ZFP69: variants seen among roughly 807,000 people sequenced by gnomAD.
The protein encoded by ZFP69 is ZFP69 zinc finger protein, also known as zinc finger protein 69 homolog.
Under a neutral mutation model 48.9 loss-of-function variants are expected in ZFP69, and 35 were observed. The observed-to-expected ratio is 0.72, with a 90% confidence interval of 0.55 to 0.95. The LOEUF is 0.95. Ranked by LOEUF, ZFP69 falls within the 40% of genes least tolerant of loss-of-function variation. The probability of loss-of-function intolerance (pLI) is 0.00; values close to 1 mark genes in which losing one functional copy is unlikely to be tolerated. For synonymous variants in ZFP69, 193 were observed against 216.8 expected (o/e 0.89, Z 0.96); for missense variants, 557 against 638.4 (o/e 0.87, Z 1.37).
chr1:40,495,604 A>G lies in ZFP69; in HGVS notation c.1126A>G (p.Thr376Ala). The G allele has an allele frequency of 6.2e-7, 1 of 1,614,256 alleles. No homozygotes were observed. The highest frequency in any genetic ancestry group is 8.5e-7 in the Non-Finnish European group (1 of 1,180,038). ...CATTAGCTTGGTTCAACATTTGAGG[A>G]CTCATTCTGGAGAGAAACCTTTTAC... is the stretch of plus-strand genomic sequence containing the variant. ...QNISLVQHLR[T>A]HSGEKPFTCN... The change falls in exon 6 of 6, where the codon ACT becomes GCT. Residue 376 changes from threonine (T) to alanine (A), a missense_variant. Thr to Ala is a moderately conservative substitution (Grantham distance 58). Transcript: ENST00000372706.
intron 3 of ZFP69, among the ~76,000 whole-genome samples, chr1:40,483,306 T>C (rs1033967251): frequency 6.7e-6 from 1 of 148,216 alleles, no homozygotes; most frequent in Admixed American, 7.0e-5. Flanking sequence ...CATAACTCAT[T>C]GCAACCTCAA....
rs1553129548 is a variant in ZFP69 at position 40,491,763 on chromosome 1, A to ATATGTGTG, written c.442+2140_442+2141insATGTGTGT. Among the ~76,000 whole-genome samples, 388 of 129,438 alleles carry ATATGTGTG rather than the reference A, an allele frequency of 3.0e-3. 1 individual carries two copies. Among genetic ancestry groups the ATATGTGTG allele is most frequent in the African/African-American group, 3.5e-3 (124 of 35,192 alleles). 84.9% of individuals were successfully genotyped at this position (129,438 alleles called of 152,430 possible). On this transcript the variant is annotated intron_variant, in intron 5 of 5. Transcript: ENST00000372706. The stretch of plus-strand genomic sequence containing the variant: ...TTGGTAGAAAAAAATGTGTGTGTGT[A>ATATGTGTG]TGTGTGTGTGTGTGTGTGTGTGTAT...
chr1:40,494,543 C>T (rs1645605315), intron 5 of ZFP69, among the ~76,000 whole-genome samples: 2 of 147,086 alleles, frequency 1.4e-5, no homozygotes, highest in Admixed American at 6.8e-5. Flanking sequence ...GCTGGGATTA[C>T]AGGCGTGAGC....
chr1:40,492,379 C>A (rs1645577982), intron 5 of ZFP69, among the ~76,000 whole-genome samples: 1 of 152,084 alleles, frequency 6.6e-6, no homozygotes, highest in Non-Finnish European at 1.5e-5. Context: ...GCTCTGTCAC[C>A]TGTCAAGTTT....
chr1:40,495,528 TG>T lies in ZFP69; in HGVS notation c.1054del (p.Glu352ArgfsTer23). 1 of 1,614,160 alleles carries T rather than the reference TG, an allele frequency of 6.2e-7. No individual in the cohort carries two copies. Reference protein sequence around the residue: ...SLNQHHRTHTGEKPYVCDKCQ... With the variant: ...SLNQHHRTHTXEKPYVCDKCQ... ...TTAATCAGCATCATAGAACTCACAC[TG>T]GGGAGAAACCCTATGTATGTGATAA... On this transcript the variant is annotated frameshift_variant, in exon 6 of 6. Transcript: ENST00000372706. LOFTEE classifies it high-confidence loss of function.
intron 3 of ZFP69, among the ~76,000 whole-genome samples, chr1:40,488,160 T>G (rs1184256092): frequency 8.1e-6 from 1 of 123,064 alleles, no homozygotes; most frequent in Admixed American, 9.1e-5. Context: ...ATGTGTGTGT[T>G]TTGTATGTAT....
At chr1:40,484,451 A>G (rs1285358666) in intron 3 of ZFP69, among the ~76,000 whole-genome samples, 2 of 152,178 alleles carry the variant, frequency 1.3e-5, no homozygotes, top group East Asian at 3.9e-4. Context: ...TGCCCACCTC[A>G]GCCTCCGAAA....
chr1:40,495,696 C>G lies in ZFP69; in HGVS notation c.1218C>G (p.Thr406=). 1 of 1,614,094 alleles carries G rather than the reference C, an allele frequency of 6.2e-7. No individual in the cohort carries two copies. Among genetic ancestry groups the G allele is most frequent in the Non-Finnish European group, 8.5e-7 (1 of 1,180,012 alleles). Residue 406 remains threonine, a synonymous_variant, in exon 6 of 6, where the codon ACC becomes ACG. Transcript: ENST00000372706. Reference sequence around the variant, plus strand: ...TTAGTGAACATATAAGAATTCATACCGGGGAGAAGCCCTATGCATGCACTG... The same window carrying G: ...TTAGTGAACATATAAGAATTCATACGGGGGAGAAGCCCTATGCATGCACTG... ...RHLSEHIRIH[T]GEKPYACTAC...
At position 40,479,257 on chromosome 1, in the gene ZFP69, C is replaced by T. The variant is rs1336765459; in HGVS notation, c.-105C>T. On this transcript the variant is annotated 5_prime_UTR_variant, in exon 2 of 6. Transcript: ENST00000372706. ...CAGGGACACACCAGAGTCCTGAGGG[C>T]AGGTGATTGGAATCTGAGCAACACC... 2.7e-6 allele frequency: 4 copies of T among 1,495,280 alleles called. No individual in the cohort carries two copies. The highest frequency in any genetic ancestry group is 3.7e-6 in the Non-Finnish European group (4 of 1,083,344). The allele number at this position is 1,495,280 out of a possible 1,614,324, so 92.6% of individuals were successfully genotyped here.
chr1:40,496,091 A>G lies in ZFP69; in HGVS notation c.*32A>G. ...ATATTTGACTTGAGAACAAAAGCCA[A>G]GTGTAAATTGGTGATTTAGAGTGCT... On this transcript the variant is annotated 3_prime_UTR_variant, in exon 6 of 6. Transcript: ENST00000372706. 2.0e-6 allele frequency: 3 copies of G among 1,529,548 alleles called. No individual in the cohort carries two copies. Among genetic ancestry groups the G allele is most frequent in the Non-Finnish European group, 2.6e-6 (3 of 1,141,820 alleles). The allele number at this position is 1,529,548 out of a possible 1,614,324, so 94.7% of individuals were successfully genotyped here.
At chr1:40,494,698 C>T (rs1645609509) in intron 5 of ZFP69, among the ~76,000 whole-genome samples, 4 of 141,238 alleles carry the variant, frequency 2.8e-5, no homozygotes, top group Admixed American at 7.2e-5. Context: ...ATAAAATATA[C>T]ATTATATATA....
rs1328858063 is a variant in ZFP69, at chr1:40,490,005, G to A, written c.442+381G>A. On this transcript the variant is annotated intron_variant, in intron 5 of 5. Coordinates refer to ENST00000372706, the MANE Select transcript of ZFP69 (RefSeq NM_001320179.2). ...CTGCCTCAGCCTCCCGAGTAGCTGG[G>A]ACTACAGTTATGCGCCACCACGCTC... 2.6e-5 allele frequency among the ~76,000 whole-genome samples: 4 copies of A among 151,832 alleles called. No individual in the cohort carries two copies. In the East Asian group the frequency reaches 7.7e-4, roughly 29 times the overall value.
rs964370527 is a variant in ZFP69, at chr1:40,495,774, C to T, written c.1296C>T (p.Ile432=). ...CGTATCTAACACATCACCAGAGAATCCATACTGGGGAGAGACCCTACAAAT... is the reference window on the plus strand; with the variant it reads ...CGTATCTAACACATCACCAGAGAATTCATACTGGGGAGAGACCCTACAAAT... ...HRAYLTHHQR[I]HTGERPYKCK... The change falls in exon 6 of 6, where the codon ATC becomes ATT. Residue 432 remains isoleucine, a synonymous_variant. Transcript: ENST00000372706. 6.2e-7 allele frequency: 1 copy of T among 1,614,050 alleles called. No homozygotes were observed. Among genetic ancestry groups the T allele is most frequent in the African/African-American group, 1.3e-5 (1 of 74,926 alleles).
chr1:40,481,628 G>A (rs1645444252), intron 2 of ZFP69, 135 bp from the exon 3 acceptor site: 1 of 588,182 alleles, frequency 1.7e-6, no homozygotes, highest in East Asian at 2.8e-5. Context: ...GCTTCAGGCT[G>A]CTCTTGAGTC....
Position 40,490,153 on chromosome 1 carries a change from AC to A in ZFP69, c.442+530del, listed in dbSNP as rs1645552650. 2.6e-5 allele frequency among the ~76,000 whole-genome samples: 4 copies of A among 151,920 alleles called. No homozygotes were observed. The South Asian group carries it at 8.3e-4, about 32-fold the overall frequency. ...GGTGCTGGGATTTCAGGTGTGAGCCACTGCGCCAGGCTGGTGCCAGGCTTTT... is the reference window on the plus strand; with the variant it reads ...GGTGCTGGGATTTCAGGTGTGAGCCATGCGCCAGGCTGGTGCCAGGCTTTT... On this transcript the variant is annotated intron_variant, in intron 5 of 5. Transcript: ENST00000372706.
chr1:40,486,992 T>G (rs1372607705), intron 3 of ZFP69, among the ~76,000 whole-genome samples: 1 of 150,540 alleles, frequency 6.6e-6, no homozygotes, highest in Admixed American at 6.6e-5. Context: ...TGGCGAGATC[T>G]CGGCTCACTG....
Position 40,477,731 on chromosome 1 carries a change from T to C in ZFP69, c.-490T>C, listed in dbSNP as rs1645403084. 6.6e-6 allele frequency: 1 copy of C among 151,794 alleles called. No individual in the cohort carries two copies. The highest frequency in any genetic ancestry group is 2.4e-5 in the African/African-American group (1 of 41,332). 9.4% of individuals were successfully genotyped at this position (151,794 alleles called of 1,614,324 possible). A position where few individuals can be genotyped will look rare whatever the true frequency, so the allele number is the denominator to read the frequency against. The stretch of plus-strand genomic sequence containing the variant: ...ACGCTGGACGCTTCTTGGAGAATGA[T>C]TGCGTTGAGTGGAGATGTGGTCTGT... On this transcript the variant is annotated 5_prime_UTR_variant, in exon 1 of 6. Coordinates refer to ENST00000372706, the MANE Select transcript of ZFP69 (RefSeq NM_001320179.2). This position sits in a 1 kb window ranked among gnomAD's most constrained non-coding sequence, Gnocchi z 4.0.
intron 5 of ZFP69, among the ~76,000 whole-genome samples, chr1:40,491,998 C>A (rs550289762): frequency 2.6e-5 from 4 of 151,684 alleles, no homozygotes; most frequent in African/African-American, 7.3e-5. Context: ...TTTAAGAAAC[C>A]CTTTTATGCC....
At chr1:40,480,268 T>TTATA (rs1491288165) in intron 2 of ZFP69, among the ~76,000 whole-genome samples, 3 of 121,724 alleles carry the variant, frequency 2.5e-5, no homozygotes, top group Admixed American at 2.4e-4. Context: ...CTGGTTGTGA[T>TTATA]TTTTTTTTTT....
Sources: allele counts gnomAD v4.1 joint callset (sites outside exome capture counted in the v4.1 genomes callset), GRCh38; gene constraint gnomAD v4.1.1; non-coding constraint Gnocchi (gnomAD v3.1); transcripts MANE v1.5; gene names NCBI Gene and HGNC (gene_info 2026-07-23, HGNC 2026-07-21).